The following ITGA11 variants were observed in gnomAD, a reference collection of about 807,000 sequenced individuals.
ITGA11 encodes integrin alpha-11.
A neutral mutation model predicts 141.9 loss-of-function variants in ITGA11; 97 were observed. That is an observed-to-expected ratio of 0.68 (90% confidence interval 0.58 to 0.81). The LOEUF is 0.81. Among genes scored for constraint, ITGA11 ranks in the 30% least tolerant of loss-of-function variants. ITGA11 has a pLI of 0.00. For missense variants in ITGA11, 1,387 were observed against 1,559.2 expected, an observed-to-expected ratio of 0.89 and a Z score of 1.86; for synonymous variants, 658 against 624.6, an observed-to-expected ratio of 1.05 and a Z score of -0.80.
chr15:68,407,218 T>C (rs1239532029), intron 1 of ITGA11, among the ~76,000 whole-genome samples: 7 of 151,026 alleles, frequency 4.6e-5, no homozygotes, highest in Non-Finnish European at 1.0e-4. Flanking sequence ...AGTGAGGGGG[T>C]GGTGGGGGCC....
Position 68,296,706 on chromosome 15 carries a change from A to G in ITGA11, c.*6353T>C, listed in dbSNP as rs1049249442. On this transcript the variant is annotated 3_prime_UTR_variant, in exon 30 of 30. Transcript: ENST00000315757. Reference sequence around the variant, plus strand: ...TAGTTGTAGCTTATTTACTTTAAATATGGTACTTTTGTATCCAAAGTTTAC... The same window carrying G: ...TAGTTGTAGCTTATTTACTTTAAATGTGGTACTTTTGTATCCAAAGTTTAC... 2.0e-5 allele frequency: 3 copies of G among 152,088 alleles called. No homozygotes were observed. Among genetic ancestry groups the G allele is most frequent in the African/African-American group, 7.2e-5 (3 of 41,408 alleles). The allele number at this position is 152,088 out of a possible 1,614,324, so 9.4% of individuals were successfully genotyped here.
intron 2 of ITGA11, among the ~76,000 whole-genome samples, chr15:68,400,194 T>C (rs1896432653): frequency 6.6e-6 from 1 of 152,062 alleles, no homozygotes. Flanking sequence ...TTGTGCCAGA[T>C]CAACTGGCCA....
intron 1 of ITGA11, among the ~76,000 whole-genome samples, chr15:68,420,407 AC>A (rs1340809879): frequency 2.6e-5 from 4 of 151,840 alleles, no homozygotes; most frequent in African/African-American, 9.7e-5. Context: ...GAGCCAATTT[AC>A]TCCTTTCTAA....
chr15:68,315,989 C>T (rs1388474467), intron 21 of ITGA11, among the ~76,000 whole-genome samples: 2 of 152,248 alleles, frequency 1.3e-5, no homozygotes, highest in Admixed American at 1.3e-4. Context: ...CCCCCTCCCT[C>T]TTCCTCTTCT....
At chr15:68,365,124 C>T (rs1415960303) in intron 3 of ITGA11, 28 of 984,890 alleles carry the variant, frequency 2.8e-5, no homozygotes, top group Non-Finnish European at 3.4e-5. Context: ...CGTGTGCCCC[C>T]AAGCATGCCA....
Position 68,328,932 on chromosome 15 carries a change from A to G in ITGA11, c.1902-670T>C, listed in dbSNP as rs1894069846. The stretch of plus-strand genomic sequence containing the variant: ...CCCATCCAGGTAACCAAGGAAATAC[A>G]AATTTACCCTTATACCGGCCTAAGT... On this transcript the variant is annotated intron_variant, in intron 15 of 29. Coordinates refer to ENST00000315757, the MANE Select transcript of ITGA11 (RefSeq NM_001004439.2). The surrounding 1 kb of genome is among the most constrained non-coding windows in gnomAD (Gnocchi z 4.8). 1.3e-5 allele frequency among the ~76,000 whole-genome samples: 2 copies of G among 152,164 alleles called. No homozygotes were observed.
intron 2 of ITGA11, among the ~76,000 whole-genome samples, chr15:68,385,769 C>T (rs1193180161): frequency 9.2e-5 from 14 of 152,154 alleles, no homozygotes; most frequent in Admixed American, 9.2e-4. Context: ...AGGTTTCAGT[C>T]CCGGCCCTCA....
intron 2 of ITGA11, among the ~76,000 whole-genome samples, chr15:68,371,139 G>C (rs989168613): frequency 6.6e-6 from 1 of 152,194 alleles, no homozygotes; most frequent in East Asian, 1.9e-4. Flanking sequence ...TTGTCTAGAC[G>C]AGGTGATTTT....
intron 2 of ITGA11, among the ~76,000 whole-genome samples, chr15:68,399,212 A>G (rs532907296): frequency 4.6e-4 from 70 of 152,246 alleles, no homozygotes; most frequent in African/African-American, 1.7e-3. Context: ...GCCAAGAAAC[A>G]TGGAAAAATA....
At chr15:68,431,040 G>A (rs1039195315) in intron 1 of ITGA11, among the ~76,000 whole-genome samples, 5 of 152,246 alleles carry the variant, frequency 3.3e-5, no homozygotes, top group Admixed American at 2.6e-4. Context: ...GCCCACACCC[G>A]GCCAGTAACC....
Position 68,328,916 on chromosome 15 carries a change from G to A in ITGA11, c.1902-654C>T, listed in dbSNP as rs556744097. On this transcript the variant is annotated intron_variant, in intron 15 of 29. Transcript: ENST00000315757. This position sits in a 1 kb window ranked among gnomAD's most constrained non-coding sequence, Gnocchi z 4.8. ...CTAACCCCCACACTACCCCATCCAGGTAACCAAGGAAATACAAATTTACCC... is the reference window on the plus strand; with the variant it reads ...CTAACCCCCACACTACCCCATCCAGATAACCAAGGAAATACAAATTTACCC... 3.5e-4 allele frequency among the ~76,000 whole-genome samples: 54 copies of A among 152,206 alleles called. No individual in the cohort carries two copies. The highest frequency in any genetic ancestry group is 6.3e-4 in the Non-Finnish European group (43 of 68,014).
chr15:68,356,324 G>A (rs971934828), intron 7 of ITGA11, among the ~76,000 whole-genome samples: 3 of 150,764 alleles, frequency 2.0e-5, no homozygotes, highest in African/African-American at 7.3e-5. Context: ...GGCTGGTCTC[G>A]AACTCCTGAG....
intron 6 of ITGA11, among the ~76,000 whole-genome samples, chr15:68,357,937 C>T (rs1895121025): frequency 6.6e-6 from 1 of 152,120 alleles, no homozygotes; most frequent in South Asian, 2.1e-4. Flanking sequence ...TTTTAACAGC[C>T]CTAATCGTTA....
intron 10 of ITGA11, among the ~76,000 whole-genome samples, chr15:68,345,996 A>G (rs1894732376): frequency 6.6e-6 from 1 of 152,206 alleles, no homozygotes; most frequent in African/African-American, 2.4e-5. Context: ...TTTTAATACT[A>G]AAGAGTCTCA....
chr15:68,376,764 C>G (rs116326980), intron 2 of ITGA11, among the ~76,000 whole-genome samples: 3,716 of 152,338 alleles, frequency 0.024, 135 homozygotes, highest in African/African-American at 0.082. Context: ...GAATATTATA[C>G]CTGGTCTGCT....
At position 68,432,126 on chromosome 15, in the gene ITGA11, G is replaced by A; in HGVS notation, c.-60C>T. 7.9e-7 allele frequency: 1 copy of A among 1,263,692 alleles called. No individual in the cohort carries two copies. The highest frequency in any genetic ancestry group is 1.0e-6 in the Non-Finnish European group (1 of 984,066). 78.3% of individuals were successfully genotyped at this position (1,263,692 alleles called of 1,614,324 possible). On this transcript the variant is annotated 5_prime_UTR_variant, in exon 1 of 30. Coordinates refer to ENST00000315757, the MANE Select transcript of ITGA11 (RefSeq NM_001004439.2). ...CGGCGGCGGGGGGCGGCAAGCCAGA[G>A]CGGCAGCCTCCTCGGCGCGGCGCCT...
At chr15:68,314,626 C>A (rs936238545) in intron 22 of ITGA11, among the ~76,000 whole-genome samples, 2 of 152,182 alleles carry the variant, frequency 1.3e-5, no homozygotes, top group Non-Finnish European at 1.5e-5. Flanking sequence ...AGACACCCCC[C>A]ACAGCTGTGC....
chr15:68,344,625 C>T (rs756099546), intron 10 of ITGA11, among the ~76,000 whole-genome samples: 7 of 151,716 alleles, frequency 4.6e-5, no homozygotes, highest in East Asian at 2.0e-4. Flanking sequence ...GGGGAAGAAG[C>T]GGAGGGAGAA....
chr15:68,311,167 T>G, intron 25 of ITGA11, 87 bp from the exon 26 acceptor site: 1 of 1,307,408 alleles, frequency 7.6e-7, no homozygotes, highest in South Asian at 1.3e-5. Flanking sequence ...GTTTCTTTTC[T>G]CCTCCTCTAG....
Sources: gnomAD v4.1 joint callset for allele counts (sites outside exome capture counted in the v4.1 genomes callset) on GRCh38, gnomAD v4.1.1 for gene constraint, Gnocchi (gnomAD v3.1) non-coding constraint, MANE v1.5 for transcripts, NCBI Gene and HGNC (gene_info 2026-07-23, HGNC 2026-07-21) for gene names.